Variants in MYO1E observed in about 807,000 individuals in gnomAD.
MYO1E encodes unconventional myosin-Ie.
Under a neutral mutation model 151.1 loss-of-function variants are expected in MYO1E, and 68 were observed. The observed-to-expected ratio is 0.45, with a 90% CI of 0.37 to 0.55. MYO1E has a LOEUF of 0.55. Ranked by LOEUF, MYO1E falls within the 20% of genes least tolerant of loss-of-function variation. The pLI, the probability that MYO1E is intolerant of heterozygous loss-of-function variation, is 0.00. For synonymous variants in MYO1E, 601 were observed against 501.7 expected (o/e 1.20, Z -2.64); for missense variants, 1,363 against 1,389.3 (o/e 0.98, Z 0.30).
chr15:59,176,957 T>G (rs920229005), intron 19 of MYO1E, among the ~76,000 whole-genome samples: 15 of 152,120 alleles, frequency 9.9e-5, no homozygotes, highest in South Asian at 2.1e-4. Context: ...AAAATAAATC[T>G]TGATTTTGAA....
At chr15:59,196,705 A>G (rs1416011713) in intron 16 of MYO1E, among the ~76,000 whole-genome samples, 1 of 152,206 alleles carries the variant, frequency 6.6e-6, no homozygotes, top group African/African-American at 2.4e-5. Flanking sequence ...ATGTGCAGGA[A>G]ATAGCATTCT....
Position 59,137,136 on chromosome 15 carries a change from A to G in MYO1E, c.*244T>C, listed in dbSNP as rs2079378030. Reference sequence around the variant, plus strand: ...GTTTAAATACAATAAATAAATCTTAATGCATGGTGGTTTTGTCCTCCTGGG... The same window carrying G: ...GTTTAAATACAATAAATAAATCTTAGTGCATGGTGGTTTTGTCCTCCTGGG... On this transcript the variant is annotated 3_prime_UTR_variant, in exon 28 of 28. Coordinates refer to ENST00000288235, the MANE Select transcript of MYO1E (RefSeq NM_004998.4). 3 of 553,300 alleles carry G rather than the reference A, an allele frequency of 5.4e-6. No individual in the cohort carries two copies. The highest frequency in any genetic ancestry group is 6.2e-5 in the East Asian group (2 of 32,144). The allele number at this position is 553,300 out of a possible 1,614,324, so 34.3% of individuals were successfully genotyped here.
chr15:59,158,304 G>A lies in MYO1E; in HGVS notation c.2861C>T (p.Ala954Val). The change falls in exon 25 of 28, where the codon GCT (alanine) becomes GTT (valine). Residue 954 changes from alanine to valine, a missense_variant. Coordinates refer to ENST00000288235, the MANE Select transcript of MYO1E (RefSeq NM_004998.4). ...TGGCTTACCTGGGGGAGGAGGGGCA[G>A]CTCTCACTGGGTAGTTGGCATTTTG... ...GTQNANYPVR[A>V]APPPPGYHQN... 7 of 1,575,084 alleles carry A rather than the reference G, an allele frequency of 4.4e-6. No individual in the cohort carries two copies. The highest frequency in any genetic ancestry group is 6.0e-6 in the Non-Finnish European group (7 of 1,158,066).
chr15:59,237,042 A>G (rs1239386221), intron 4 of MYO1E, among the ~76,000 whole-genome samples: 1 of 152,240 alleles, frequency 6.6e-6, no homozygotes, highest in African/African-American at 2.4e-5. Flanking sequence ...AAACAAGCAA[A>G]TGAAATCATG....
rs2079362546 is a variant in MYO1E, at chr15:59,134,731, T to TCAAA, written c.*2645_*2648dup. ...TGTGTGCACATGAACACCCCTTATT[T>TCAAA]CAAACAGGATGGCAAGTTCCAGAAG... On this transcript the variant is annotated 3_prime_UTR_variant, in exon 28 of 28. Coordinates refer to ENST00000288235, the MANE Select transcript of MYO1E (RefSeq NM_004998.4). The TCAAA allele has an allele frequency of 6.6e-6, 1 of 152,210 alleles. No individual in the cohort carries two copies. Among genetic ancestry groups the TCAAA allele is most frequent in the Non-Finnish European group, 1.5e-5 (1 of 68,054 alleles). The allele number at this position is 152,210 out of a possible 1,614,324, so 9.4% of individuals were successfully genotyped here. A position where few individuals can be genotyped will look rare whatever the true frequency, so the allele number is the denominator to read the frequency against.
chr15:59,366,705 C>T (rs578065759), intron 1 of MYO1E, among the ~76,000 whole-genome samples: 1 of 152,074 alleles, frequency 6.6e-6, no homozygotes, highest in South Asian at 2.1e-4. Flanking sequence ...GTGTGGCTGT[C>T]CCAAAGATAT....
intron 1 of MYO1E, among the ~76,000 whole-genome samples, chr15:59,293,556 C>A (rs1252061623): frequency 6.7e-6 from 1 of 149,638 alleles, no homozygotes; most frequent in Non-Finnish European, 1.5e-5. Flanking sequence ...AAAAAAAAAA[C>A]AAAATAAAAT....
intron 1 of MYO1E, among the ~76,000 whole-genome samples, chr15:59,315,404 G>A (rs953090235): frequency 5.3e-5 from 8 of 152,032 alleles, no homozygotes; most frequent in East Asian, 3.8e-4. Context: ...TAGGGTGGGC[G>A]GGGGAGAGTA....
In MYO1E at chr15:59,371,419, T is replaced by A. The variant is rs576075104; in HGVS notation, c.3+1079A>T. Reference sequence around the variant, plus strand: ...TGAAAAGAAGCAAGTGTGGAAACTATGAAGCCTTGTAATAGATTTTTTTTT... The same window carrying A: ...TGAAAAGAAGCAAGTGTGGAAACTAAGAAGCCTTGTAATAGATTTTTTTTT... On this transcript the variant is annotated intron_variant, in intron 1 of 27. Coordinates refer to ENST00000288235, the MANE Select transcript of MYO1E (RefSeq NM_004998.4). 5.0e-5 allele frequency among the ~76,000 whole-genome samples: 7 copies of A among 140,984 alleles called. No individual in the cohort carries two copies. In the South Asian group the frequency reaches 1.7e-3, roughly 34 times the overall value. The allele number at this position is 140,984 out of a possible 152,430, so 92.5% of individuals were successfully genotyped here.
At chr15:59,241,605 G>A (rs2080100014) in intron 4 of MYO1E, among the ~76,000 whole-genome samples, 1 of 152,116 alleles carries the variant, frequency 6.6e-6, no homozygotes, top group African/African-American at 2.4e-5. Context: ...CAAGAGATCC[G>A]AGGCAGGAGA....
intron 9 of MYO1E, among the ~76,000 whole-genome samples, chr15:59,220,671 T>C (rs962417717): frequency 2.6e-5 from 4 of 152,004 alleles, no homozygotes; most frequent in African/African-American, 7.3e-5. Flanking sequence ...AGAAAGATGA[T>C]AGAAACCAAG....
At chr15:59,236,390 AC>A (rs1428654889) in intron 5 of MYO1E, among the ~76,000 whole-genome samples, 194 bp downstream of exon 5, 9 of 136,438 alleles carry the variant, frequency 6.6e-5, no homozygotes, top group Non-Finnish European at 1.5e-4. Flanking sequence ...ACACACACAC[AC>A]ACACACACAC....
chr15:59,257,621 C>T lies in MYO1E; in HGVS notation c.238-1243G>A, dbSNP rs1048652757. Among the ~76,000 whole-genome samples the T allele has an allele frequency of 7.2e-5, 11 of 152,164 alleles. No individual in the cohort carries two copies. In the East Asian group the frequency reaches 1.5e-3, roughly 21 times the overall value. On this transcript the variant is annotated intron_variant, in intron 3 of 27. Transcript: ENST00000288235. ...TGGCTGAGAAGTTGCTGCTCACTGC[C>T]ATGCTCTGGAAGATGAGAGTTTGGT...
chr15:59,347,564 C>T (rs551742059), intron 1 of MYO1E, among the ~76,000 whole-genome samples: 3 of 151,908 alleles, frequency 2.0e-5, no homozygotes, highest in African/African-American at 7.2e-5. Context: ...AAAGTCTTGC[C>T]AAAAATAAAA....
At chr15:59,289,624 C>G (rs1403806337) in intron 1 of MYO1E, among the ~76,000 whole-genome samples, 1 of 152,110 alleles carries the variant, frequency 6.6e-6, no homozygotes, top group African/African-American at 2.4e-5. Flanking sequence ...AATCTAGAAA[C>G]AAGACAGACA....
intron 4 of MYO1E, among the ~76,000 whole-genome samples, chr15:59,237,262 T>G (rs2080072549): frequency 6.6e-6 from 1 of 152,222 alleles, no homozygotes; most frequent in Non-Finnish European, 1.5e-5. Flanking sequence ...AAGTGGGCAC[T>G]CTGAGGTTTC....
At chr15:59,231,907 CCGTGTG>C in intron 5 of MYO1E, 116 bp from the exon 6 acceptor site, 1 of 912,374 alleles carries the variant, frequency 1.1e-6, no homozygotes, top group Non-Finnish European at 1.8e-6. Flanking sequence ...GGCCCCACAC[CCGTGTG>C]TCACTGGTGG....
At chr15:59,191,528 T>C (rs1214443795) in intron 17 of MYO1E, among the ~76,000 whole-genome samples, 1 of 152,180 alleles carries the variant, frequency 6.6e-6, no homozygotes, top group East Asian at 1.9e-4. Flanking sequence ...AAAGTACTTT[T>C]CATAAACACT....
At chr15:59,142,758 G>C (rs990642320) in intron 26 of MYO1E, among the ~76,000 whole-genome samples, 1 of 152,006 alleles carries the variant, frequency 6.6e-6, no homozygotes, top group Non-Finnish European at 1.5e-5. Context: ...CATGAGCCCT[G>C]GTTGGGGAGA....
Sources: allele counts gnomAD v4.1 joint callset (sites outside exome capture counted in the v4.1 genomes callset), GRCh38; gene constraint gnomAD v4.1.1; transcripts MANE v1.5; gene names NCBI Gene and HGNC (gene_info 2026-07-23, HGNC 2026-07-21).